Variants in IFFO1 observed in about 807,000 individuals in gnomAD.
IFFO1 encodes intermediate filament family orphan 1.
IFFO1 carries 42 observed loss-of-function variants against 59.6 expected under a neutral mutation model. The observed-to-expected ratio is 0.70, with a 90% CI of 0.55 to 0.91. IFFO1 has a LOEUF of 0.91. Ranked by LOEUF, IFFO1 falls within the 40% of genes least tolerant of loss-of-function variation. The pLI is 0.00. For missense variants in IFFO1, 711 were observed against 793.2 expected (o/e 0.90, Z 1.24); for synonymous variants, 336 against 342.8 (o/e 0.98, Z 0.22).
downstream of IFFO1, chr12:6,539,187 C>T (rs1463231320): frequency 6.6e-6 from 1 of 152,262 alleles, no homozygotes; most frequent in African/African-American, 2.4e-5. Flanking sequence ...GTAGAGCGCG[C>T]ACGCCTGTAA....
In IFFO1 at chr12:6,548,179, C is replaced by T. The variant is rs76971321; in HGVS notation, c.1384-19G>A. ...CCTGCTGCTGGAGTAGAAAGGGAAGCGGGGGAGGCCAGCCAAGGAGGGATG... is the reference window on the plus strand; with the variant it reads ...CCTGCTGCTGGAGTAGAAAGGGAAGTGGGGGAGGCCAGCCAAGGAGGGATG... On this transcript the variant is annotated intron_variant, in intron 7 of 9. Transcript: ENST00000619571. The surrounding 1 kb of genome is among the most constrained non-coding windows in gnomAD (Gnocchi z 6.1). 3,547 of 1,601,554 alleles carry T rather than the reference C, an allele frequency of 2.2e-3. 55 individuals are homozygous for T. In the African/African-American group the frequency reaches 0.039, roughly 18 times the overall value.
chr12:6,543,136 C>A (rs372048448), intron 8 of IFFO1, among the ~76,000 whole-genome samples: 20 of 152,074 alleles, frequency 1.3e-4, no homozygotes, highest in Non-Finnish European at 2.8e-4. Flanking sequence ...AACTGCCTCC[C>A]GCCCACCACT....
chr12:6,552,481 C>T (rs114068421), intron 1 of IFFO1, among the ~76,000 whole-genome samples: 1,788 of 152,310 alleles, frequency 0.012, 30 homozygotes, highest in African/African-American at 0.039. Context: ...GGGAACCAGT[C>T]GCATCAGATT....
rs1947127980 is a variant in IFFO1 at position 6,549,287 on chromosome 12, G to A, written c.1080+189C>T. On this transcript the variant is annotated intron_variant, in intron 5 of 9. Transcript: ENST00000619571. The surrounding 1 kb of genome is among the most constrained non-coding windows in gnomAD (Gnocchi z 5.0). ...CCAGATCTGGAAAGCCGGGGGAGAA[G>A]GGAGAGAAAGAAATGCAGTCAAGAG... The A allele has an allele frequency of 6.1e-6, 4 of 658,646 alleles. No individual in the cohort carries two copies. The South Asian group carries it at 7.5e-5, about 12-fold the overall frequency. The allele number at this position is 658,646 out of a possible 1,614,324, so 40.8% of individuals were successfully genotyped here.
chr12:6,547,879 G>A (rs1026314690), intron 8 of IFFO1, among the ~76,000 whole-genome samples, 186 bp downstream of exon 8: 2 of 152,140 alleles, frequency 1.3e-5, no homozygotes, highest in Non-Finnish European at 2.9e-5. Flanking sequence ...GATTTGAACC[G>A]ATATCTGTCT....
At chr12:6,552,629 C>T (rs150766059) in intron 1 of IFFO1, among the ~76,000 whole-genome samples, 11 of 152,294 alleles carry the variant, frequency 7.2e-5, no homozygotes, top group South Asian at 4.1e-4. Flanking sequence ...GTCAAGGGCA[C>T]GCTAACCCTG....
In IFFO1 at chr12:6,548,636, C is replaced by A. The variant is rs369806535; in HGVS notation, c.1262+32G>T. ...CCGGCCTCCTGGGCTGCTGTGGCGT[C>A]GGTGCTGCGGGAGCACGGCCTGCGG... On this transcript the variant is annotated intron_variant, in intron 6 of 9. Transcript: ENST00000619571. The surrounding 1 kb of genome is among the most constrained non-coding windows in gnomAD (Gnocchi z 6.1). The A allele has an allele frequency of 6.2e-7, 1 of 1,613,844 alleles. No individual in the cohort carries two copies. Among genetic ancestry groups the A allele is most frequent in the South Asian group, 1.1e-5 (1 of 91,068 alleles).
At position 6,548,983 on chromosome 12, in the gene IFFO1, A is replaced by T. The variant is rs1947108197; in HGVS notation, c.1081-134T>A. 4.0e-6 allele frequency: 3 copies of T among 749,452 alleles called. No homozygotes were observed. The highest frequency in any genetic ancestry group is 6.5e-6 in the Non-Finnish European group (3 of 464,056). 46.4% of individuals were successfully genotyped at this position (749,452 alleles called of 1,614,324 possible). On this transcript the variant is annotated intron_variant, in intron 5 of 9. Coordinates refer to ENST00000619571, the MANE Select transcript of IFFO1 (RefSeq NM_001193457.2). The surrounding 1 kb of genome is among the most constrained non-coding windows in gnomAD (Gnocchi z 6.1). Reference sequence around the variant, plus strand: ...AGAGAGAAAAGTCACAGTTACAATGACAGGAACAGAAACACGGACAGTCAC... The same window carrying T: ...AGAGAGAAAAGTCACAGTTACAATGTCAGGAACAGAAACACGGACAGTCAC...
Position 6,548,651 on chromosome 12 carries a change from A to G in IFFO1, c.1262+17T>C, listed in dbSNP as rs745847897. The G allele has an allele frequency of 1.9e-6, 3 of 1,614,004 alleles. No individual in the cohort carries two copies. The highest frequency in any genetic ancestry group is 2.5e-6 in the Non-Finnish European group (3 of 1,179,960). On this transcript the variant is annotated intron_variant, in intron 6 of 9. Transcript: ENST00000619571. This position sits in a 1 kb window ranked among gnomAD's most constrained non-coding sequence, Gnocchi z 6.1. The stretch of plus-strand genomic sequence containing the variant: ...GCTGTGGCGTCGGTGCTGCGGGAGC[A>G]CGGCCTGCGGACTCACAGCTGGTTG...
At position 6,555,992 on chromosome 12, in the gene IFFO1, T is replaced by C; in HGVS notation, c.38A>G (p.Gln13Arg). The change falls in exon 1 of 10, where the codon CAG (glutamine) becomes CGG (arginine). Residue 13 changes from glutamine (Q) to arginine (R), a missense_variant. Physicochemically the swap from Gln to Arg is conservative, Grantham distance 43 (BLOSUM62 1). This residue lies in a region of IFFO1 where 114 missense variants were observed against 102.4 expected (regional missense o/e 1.11). Transcript: ENST00000619571. This position sits in a 1 kb window ranked among gnomAD's most constrained non-coding sequence, Gnocchi z 8.6. ...PLFGPNLFLL[Q>R]QEQQGLAGPL... ...CCCGGCCAGGCCCTGCTGCTCCTGC[T>C]GCAGGAGGAAGAGGTTGGGGCCGAA... is the stretch of plus-strand genomic sequence containing the variant. The C allele has an allele frequency of 3.2e-6, 5 of 1,577,914 alleles. No individual in the cohort carries two copies. Among genetic ancestry groups the C allele is most frequent in the Non-Finnish European group, 4.3e-6 (5 of 1,169,608 alleles).
In IFFO1 at chr12:6,547,868, A is replaced by C. The variant is rs183536153; in HGVS notation, c.1479+197T>G. On this transcript the variant is annotated intron_variant, in intron 8 of 9. Transcript: ENST00000619571. The stretch of plus-strand genomic sequence containing the variant: ...AGGGTGGTTGTAAGTAACAGAGCTG[A>C]GATTTGAACCGATATCTGTCTGTTT... Among the ~76,000 whole-genome samples, 4 of 152,272 alleles carry C rather than the reference A, an allele frequency of 2.6e-5. No homozygotes were observed. In the East Asian group the frequency reaches 7.7e-4, roughly 29 times the overall value.
At chr12:6,551,601 C>A in intron 1 of IFFO1, 1 of 640,260 alleles carries the variant, frequency 1.6e-6, no homozygotes, top group Non-Finnish European at 2.5e-6. Flanking sequence ...CCACCCAGAG[C>A]CTCCTCTAAG....
Position 6,548,767 on chromosome 12 carries a change from G to C in IFFO1, c.1163C>G (p.Ser388Cys), listed in dbSNP as rs1027721709. Residue 388 changes from serine (S) to cysteine (C), a missense_variant, in exon 6 of 10, where the codon TCC becomes TGC. Ser to Cys is a moderately radical substitution (Grantham distance 112, BLOSUM62 -1). Coordinates refer to ENST00000619571, the MANE Select transcript of IFFO1 (RefSeq NM_001193457.2). This position sits in a 1 kb window ranked among gnomAD's most constrained non-coding sequence, Gnocchi z 6.1. The part of the protein sequence containing the change: ...ERKAAVEEDT[S>C]LSESEGPRQP... ...GCGGGGCCCCTCACTCTCCGACAGG[G>C]AGGTGTCCTCCTCGACGGCAGCCTT... The C allele has an allele frequency of 1.2e-6, 2 of 1,613,922 alleles. No homozygotes were observed. The highest frequency in any genetic ancestry group is 2.7e-5 in the African/African-American group (2 of 74,934).
At position 6,555,910 on chromosome 12, in the gene IFFO1, C is replaced by A; in HGVS notation, c.120G>T (p.Pro40=). The part of the protein sequence containing the change: ...DHFAGGGDLP[P]APLSPAGPAA... Reference sequence around the variant, plus strand: ...CAGGGCCGGCCGGCGAGAGAGGCGCCGGGGGCAAGTCTCCTCCCCCGGCGA... The same window carrying A: ...CAGGGCCGGCCGGCGAGAGAGGCGCAGGGGGCAAGTCTCCTCCCCCGGCGA... Residue 40 remains proline, a synonymous_variant, in exon 1 of 10, where the codon CCG becomes CCT. Coordinates refer to ENST00000619571, the MANE Select transcript of IFFO1 (RefSeq NM_001193457.2). The surrounding 1 kb of genome is among the most constrained non-coding windows in gnomAD (Gnocchi z 8.6). The A allele has an allele frequency of 6.4e-7, 1 of 1,553,570 alleles. No individual in the cohort carries two copies. The highest frequency in any genetic ancestry group is 2.0e-5 in the Admixed American group (1 of 50,518).
At chr12:6,547,250 A>G (rs1947005930) in intron 8 of IFFO1, among the ~76,000 whole-genome samples, 2 of 152,088 alleles carry the variant, frequency 1.3e-5, no homozygotes, top group African/African-American at 4.8e-5. Context: ...TTCTCTGTAA[A>G]AAAAATCAAA....
intron 8 of IFFO1, among the ~76,000 whole-genome samples, chr12:6,542,113 T>G (rs1422415884): frequency 6.6e-6 from 1 of 152,126 alleles, no homozygotes; most frequent in Non-Finnish European, 1.5e-5. Context: ...GGGAATTAAC[T>G]CTCTCTGTGA....
intron 8 of IFFO1, among the ~76,000 whole-genome samples, chr12:6,545,569 G>T (rs937777169): frequency 6.6e-6 from 1 of 151,962 alleles, no homozygotes; most frequent in Non-Finnish European, 1.5e-5. Context: ...GTGATGGCGG[G>T]CGCCTGTAGT....
intron 3 of IFFO1, chr12:6,550,146 A>AAACGGAAGCCCT: frequency 2.2e-6 from 1 of 453,440 alleles, no homozygotes; most frequent in Non-Finnish European, 4.0e-6. Context: ...GGGCATGGCC[A>AAACGGAAGCCCT]GTGCCTGGGA....
In IFFO1 at chr12:6,548,611, C is replaced by T; in HGVS notation, c.1262+57G>A. Reference sequence around the variant, plus strand: ...CGTCCTGGCGGGGGACTGGGGAGCTCCGGCCTCCTGGGCTGCTGTGGCGTC... The same window carrying T: ...CGTCCTGGCGGGGGACTGGGGAGCTTCGGCCTCCTGGGCTGCTGTGGCGTC... On this transcript the variant is annotated intron_variant, in intron 6 of 9. Coordinates refer to ENST00000619571, the MANE Select transcript of IFFO1 (RefSeq NM_001193457.2). The surrounding 1 kb of genome is among the most constrained non-coding windows in gnomAD (Gnocchi z 6.1). 9 of 1,613,692 alleles carry T rather than the reference C, an allele frequency of 5.6e-6. No homozygotes were observed. The highest frequency in any genetic ancestry group is 7.6e-6 in the Non-Finnish European group (9 of 1,179,790).
Sources: allele counts gnomAD v4.1 joint callset (sites outside exome capture counted in the v4.1 genomes callset), GRCh38; gene constraint gnomAD v4.1.1; regional missense constraint gnomAD v4.1.1; non-coding constraint Gnocchi (gnomAD v3.1); transcripts MANE v1.5; gene names NCBI Gene and HGNC (gene_info 2026-07-23, HGNC 2026-07-21).